LRRC37A2: variants seen among roughly 807,000 people sequenced by gnomAD.
LRRC37A2 encodes the protein leucine rich repeat containing 37 member A2.
In LRRC37A2, 9 loss-of-function variants were observed where a neutral mutation model predicts 68.8. The observed-to-expected ratio is 0.13, with a 90% confidence interval of 0.08 to 0.23. The LOEUF (loss-of-function observed/expected upper bound fraction) is 0.23, where lower values mean the gene tolerates loss of function less well. LRRC37A2 is among the 10% of genes least tolerant of loss of function. The pLI is 1.00. For missense variants in LRRC37A2, 168 were observed against 950.4 expected (o/e 0.18, Z 10.82); for synonymous variants, 63 against 367.6 (o/e 0.17, Z 9.48).
chr17:47,018,935 A>C, the LRRC37A2 span: 1 of 1,519,792 alleles, frequency 6.6e-7, no homozygotes, highest in Non-Finnish European at 9.1e-7. Flanking sequence ...TTGTACCCCA[A>C]CTTCGAATAT....
chr17:46,747,588 C>G, the LRRC37A2 span, among the ~76,000 whole-genome samples: 5 of 151,954 alleles, frequency 3.3e-5, no homozygotes, highest in African/African-American at 1.2e-4. Flanking sequence ...AGATCTAAAA[C>G]AAGATATTGT....
the LRRC37A2 span, among the ~76,000 whole-genome samples, chr17:46,780,649 G>A: frequency 5.3e-5 from 8 of 152,260 alleles, no homozygotes; most frequent in African/African-American, 1.9e-4. Flanking sequence ...GGTGGCAGGC[G>A]CCTGTAGCCC....
At chr17:46,752,758 C>T in the LRRC37A2 span, among the ~76,000 whole-genome samples, 2 of 151,974 alleles carry the variant, frequency 1.3e-5, no homozygotes, top group Admixed American at 6.5e-5. Flanking sequence ...GCCTGGCCCT[C>T]GGTAACTTTT....
At chr17:46,789,289 T>C in the LRRC37A2 span, among the ~76,000 whole-genome samples, 1 of 152,146 alleles carries the variant, frequency 6.6e-6, no homozygotes, top group Admixed American at 6.5e-5. Context: ...TCTTATTCTA[T>C]GCTCTTCAGA....
chr17:46,792,264 A>T, the LRRC37A2 span, among the ~76,000 whole-genome samples: 1 of 152,210 alleles, frequency 6.6e-6, no homozygotes, highest in African/African-American at 2.4e-5. Context: ...AGGGGGGATG[A>T]CGTCATGGAG....
chr17:46,883,892 C>G, the LRRC37A2 span, among the ~76,000 whole-genome samples: 1 of 152,208 alleles, frequency 6.6e-6, no homozygotes, highest in Non-Finnish European at 1.5e-5. Flanking sequence ...CATCCCTCCT[C>G]AAGTCCCCAG....
the LRRC37A2 span, among the ~76,000 whole-genome samples, chr17:46,915,843 T>C: frequency 1.3e-5 from 2 of 152,262 alleles, no homozygotes; most frequent in Non-Finnish European, 1.5e-5. Flanking sequence ...GTATTTATTT[T>C]ATGGCATTGA....
chr17:47,013,520 C>T, the LRRC37A2 span, among the ~76,000 whole-genome samples: 4 of 152,280 alleles, frequency 2.6e-5, no homozygotes, highest in South Asian at 4.1e-4. Context: ...TAACCCTTTC[C>T]TGCTACAGCC....
chr17:46,908,530 A>C, the LRRC37A2 span, among the ~76,000 whole-genome samples: 2 of 151,878 alleles, frequency 1.3e-5, no homozygotes, highest in Non-Finnish European at 2.9e-5. Flanking sequence ...AGCTTGGTGG[A>C]TGTTGAGTGG....
At chr17:46,712,458 C>T in the LRRC37A2 span, among the ~76,000 whole-genome samples, 1 of 152,182 alleles carries the variant, frequency 6.6e-6, no homozygotes, top group African/African-American at 2.4e-5. Context: ...TGGGTTCTGG[C>T]ATACATAGCC....
At chr17:46,897,807 T>C in the LRRC37A2 span, among the ~76,000 whole-genome samples, 1 of 152,200 alleles carries the variant, frequency 6.6e-6, no homozygotes, top group South Asian at 2.1e-4. Context: ...TTATTGACTC[T>C]GCTCCATAGC....
At chr17:46,823,933 T>C in the LRRC37A2 span, among the ~76,000 whole-genome samples, 1 of 152,190 alleles carries the variant, frequency 6.6e-6, no homozygotes, top group East Asian at 1.9e-4. Context: ...AATGCCAGAC[T>C]GCGGATGGTG....
chr17:46,896,440 AAGAAAGAAAGAAAAAG>A, the LRRC37A2 span, among the ~76,000 whole-genome samples: 3 of 73,676 alleles, frequency 4.1e-5, no homozygotes, highest in Middle Eastern at 6.5e-3. Context: ...GAAAGAAAGA[AAGAAAGAAAGAAAAAG>A]AAAGAAAGAA....
the LRRC37A2 span, among the ~76,000 whole-genome samples, chr17:46,780,800 G>C: frequency 6.6e-6 from 1 of 152,010 alleles, no homozygotes; most frequent in Non-Finnish European, 1.5e-5. Context: ...AGAAAATGGG[G>C]ACTCCAACAG....
At chr17:46,981,883 G>A in the LRRC37A2 span, among the ~76,000 whole-genome samples, 101 of 151,962 alleles carry the variant, frequency 6.6e-4, no homozygotes, top group African/African-American at 2.4e-3. Flanking sequence ...TTTATTTTTT[G>A]TTCAGACAGG....
chr17:46,930,047 A>C, the LRRC37A2 span: 42 of 124,104 alleles, frequency 3.4e-4, no homozygotes, highest in East Asian at 4.6e-4. Context: ...GTTTTTTTTC[A>C]TTTTTTTTTT....
At chr17:46,942,523 T>TG in the LRRC37A2 span, among the ~76,000 whole-genome samples, 9 of 152,150 alleles carry the variant, frequency 5.9e-5, no homozygotes, top group Non-Finnish European at 8.8e-5. Context: ...TGCTGGGGTC[T>TG]GGGGGGATTG....
chr17:47,000,279 G>T, the LRRC37A2 span, among the ~76,000 whole-genome samples: 1 of 148,764 alleles, frequency 6.7e-6, no homozygotes, highest in African/African-American at 2.5e-5. Flanking sequence ...CTGCCACCCA[G>T]GCTGGAGTGC....
chr17:47,017,378 C>T, the LRRC37A2 span: 4 of 1,528,168 alleles, frequency 2.6e-6, no homozygotes, highest in Non-Finnish European at 9.0e-7. Context: ...CCTGGTCTTC[C>T]CACTCCTCCC....
Sources: allele counts gnomAD v4.1 joint callset (sites outside exome capture counted in the v4.1 genomes callset), GRCh38; gene constraint gnomAD v4.1.1; transcripts MANE v1.5; gene names NCBI Gene and HGNC (gene_info 2026-07-23, HGNC 2026-07-21).